Variants in SLC4A5 observed in about 807,000 individuals in gnomAD.
SLC4A5 encodes the protein solute carrier family 4 member 5, also known as electrogenic sodium bicarbonate cotransporter 4.
Under a neutral mutation model 120.4 loss-of-function variants are expected in SLC4A5, and 96 were observed. The ratio of observed to expected loss-of-function variants is 0.80; its 90% confidence interval spans 0.68 to 0.94. The LOEUF (loss-of-function observed/expected upper bound fraction) is 0.94, where lower values mean the gene tolerates loss of function less well. SLC4A5 is among the 40% of genes least tolerant of loss of function. SLC4A5 has a pLI of 0.00. For missense variants in SLC4A5, 1,259 were observed against 1,459.5 expected (o/e 0.86, Z 2.24); for synonymous variants, 550 against 571.1 (o/e 0.96, Z 0.53).
intron 11 of SLC4A5, among the ~76,000 whole-genome samples, 192 bp downstream of exon 11, chr2:74,261,945 G>A (rs557020138): frequency 2.0e-4 from 31 of 152,198 alleles, no homozygotes; most frequent in Non-Finnish European, 3.8e-4. Context: ...GGAATGACTT[G>A]AATATTATGG....
At chr2:74,307,748 T>G in intron 6 of SLC4A5, 1 of 693,194 alleles carries the variant, frequency 1.4e-6, no homozygotes, top group Non-Finnish European at 2.5e-6. Flanking sequence ...AGGAGGTCGT[T>G]CAGGCTTTGC....
At chr2:74,321,525 C>G (rs116003814) in intron 5 of SLC4A5, among the ~76,000 whole-genome samples, 4,231 of 152,154 alleles carry the variant, frequency 0.028, 94 homozygotes, top group Non-Finnish European at 0.048. Context: ...GGATATACTT[C>G]TACTAAAAAT....
At chr2:74,258,806 G>A (rs1007668012) in intron 12 of SLC4A5, among the ~76,000 whole-genome samples, 4 of 152,228 alleles carry the variant, frequency 2.6e-5, no homozygotes, top group Non-Finnish European at 4.4e-5. Context: ...ATTTGTGCCC[G>A]GGACACTGAC....
chr2:74,330,557 T>C (rs1319870909), intron 4 of SLC4A5, among the ~76,000 whole-genome samples: 2 of 146,532 alleles, frequency 1.4e-5, no homozygotes, highest in Non-Finnish European at 3.0e-5. Context: ...TAAGTGTAGG[T>C]GGTGAGGTAT....
At chr2:74,307,219 G>A in intron 6 of SLC4A5, 1 of 526,238 alleles carries the variant, frequency 1.9e-6, no homozygotes, top group Non-Finnish European at 3.5e-6. Flanking sequence ...TACTTGTCTG[G>A]CTCCTCTCGG....
intron 10 of SLC4A5, among the ~76,000 whole-genome samples, chr2:74,262,977 GA>G (rs1409319556): frequency 3.6e-4 from 55 of 152,212 alleles, no homozygotes; most frequent in Non-Finnish European, 4.9e-4. Context: ...ATAGTGCCCA[GA>G]ATGTAGTTAA....
rs1294033023 is a variant in SLC4A5 at position 74,223,758 on chromosome 2, C to T, written c.3247-806G>A. ...AGTCTCTGTTTCTTTGTTTTCAGAA[C>T]CCACCTTTACAAATCATCTACAAAC... On this transcript the variant is annotated intron_variant, in intron 28 of 30. Coordinates refer to ENST00000394019, the Ensembl canonical transcript of SLC4A5. 3.3e-5 allele frequency among the ~76,000 whole-genome samples: 5 copies of T among 152,178 alleles called. No homozygotes were observed. In the East Asian group the frequency reaches 9.6e-4, roughly 29 times the overall value.
chr2:74,270,514 A>T (rs1195612295), intron 8 of SLC4A5, among the ~76,000 whole-genome samples: 1 of 152,190 alleles, frequency 6.6e-6, no homozygotes, highest in Non-Finnish European at 1.5e-5. Context: ...TCTACTAAAA[A>T]TACAAAAAAT....
intron 6 of SLC4A5, chr2:74,307,854 G>T (rs942529203): frequency 4.1e-6 from 2 of 482,088 alleles, no homozygotes; most frequent in Non-Finnish European, 8.0e-6. Context: ...CTGGAAGCTG[G>T]TGGAGCAGGA....
chr2:74,289,682 A>G (rs1444068723), intron 7 of SLC4A5, among the ~76,000 whole-genome samples: 1 of 152,176 alleles, frequency 6.6e-6, no homozygotes, highest in Non-Finnish European at 1.5e-5. Context: ...GCAGACACCA[A>G]ATGTTTAAAG....
intron 8 of SLC4A5, among the ~76,000 whole-genome samples, chr2:74,274,287 A>T (rs559788594): frequency 6.6e-6 from 1 of 152,328 alleles, no homozygotes; most frequent in South Asian, 2.1e-4. Context: ...TGGGCAACAG[A>T]GCAAGACTCT....
At chr2:74,222,228 G>A (rs920441990) in intron 29 of SLC4A5, among the ~76,000 whole-genome samples, 4 of 152,222 alleles carry the variant, frequency 2.6e-5, no homozygotes, top group African/African-American at 9.7e-5. Context: ...GGTGGGCCAT[G>A]TTTGGACTGA....
At chr2:74,229,289 G>A (rs1036371040) in intron 25 of SLC4A5, among the ~76,000 whole-genome samples, 20 of 144,994 alleles carry the variant, frequency 1.4e-4, no homozygotes, top group Non-Finnish European at 2.9e-4. Context: ...ACTCTGTCTT[G>A]CCCAGGCTGG....
At chr2:74,231,123 T>C in intron 25 of SLC4A5, 113 bp downstream of exon 25, 2 of 948,516 alleles carry the variant, frequency 2.1e-6, no homozygotes, top group Non-Finnish European at 3.2e-6. Flanking sequence ...GTGCCTTTCT[T>C]AGGGGGCTGA....
chr2:74,338,052 G>A (rs1320027843), intron 3 of SLC4A5, among the ~76,000 whole-genome samples: 1 of 152,206 alleles, frequency 6.6e-6, no homozygotes, highest in Admixed American at 6.5e-5. Context: ...TAAAGGGCAG[G>A]TGGGGCATCA....
intron 23 of SLC4A5, among the ~76,000 whole-genome samples, chr2:74,233,126 A>G (rs550543858): frequency 2.0e-5 from 3 of 152,132 alleles, no homozygotes; most frequent in Non-Finnish European, 2.9e-5. Flanking sequence ...GCTGATTCTC[A>G]TAAGAACTCG....
chr2:74,231,774 A>G (rs886940052), intron 24 of SLC4A5, among the ~76,000 whole-genome samples: 7 of 152,318 alleles, frequency 4.6e-5, no homozygotes, highest in African/African-American at 1.7e-4. Flanking sequence ...TCTGGGGAAG[A>G]GGACACCAGC....
intron 5 of SLC4A5, 113 bp from the exon 6 acceptor site, chr2:74,315,138 A>G: frequency 2.2e-6 from 2 of 926,474 alleles, no homozygotes; most frequent in South Asian, 2.7e-5. Context: ...CAGATAAAAA[A>G]CTAAGACAAA....
At chr2:74,225,527 C>T (rs373943414) in intron 27 of SLC4A5, among the ~76,000 whole-genome samples, 2 of 152,084 alleles carry the variant, frequency 1.3e-5, no homozygotes, top group African/African-American at 2.4e-5. Flanking sequence ...AACCGGGAGG[C>T]GGAGGTTGCA....
Sources: allele counts gnomAD v4.1 joint callset (sites outside exome capture counted in the v4.1 genomes callset), GRCh38; gene constraint gnomAD v4.1.1; transcripts MANE v1.5; gene names NCBI Gene and HGNC (gene_info 2026-07-23, HGNC 2026-07-21).